The following RSPH6A variants were observed in gnomAD, a reference collection of about 807,000 sequenced individuals.
RSPH6A encodes radial spoke head 6 homolog A.
RSPH6A carries 49 observed loss-of-function variants against 66.1 expected under a neutral mutation model. That is an observed-to-expected ratio of 0.74 (90% CI 0.59 to 0.94). RSPH6A has a LOEUF of 0.94. Ranked by LOEUF, RSPH6A falls within the 40% of genes least tolerant of loss-of-function variation. The pLI is 0.00. For missense variants in RSPH6A, 977 were observed against 948.3 expected (o/e 1.03, Z -0.40); for synonymous variants, 419 against 402.4 (o/e 1.04, Z -0.49).
rs762331797 is a variant in RSPH6A, at chr19:45,815,089, G to A, written c.88C>T (p.Arg30Trp). ...GCTGCCAGGGCCTGAGCTTGGTCCC[G>A]ACTGTGCCGCCTCTGGGAGGCCTGA... The part of the protein sequence containing the change: ...TSQASQRRHS[R>W]DQAQALAADP... Residue 30 changes from arginine (R) to tryptophan (W), a missense_variant, in exon 1 of 6, where the codon CGG (arginine) becomes TGG (tryptophan). Coordinates refer to ENST00000221538, the MANE Select transcript of RSPH6A (RefSeq NM_030785.4). The A allele has an allele frequency of 2.5e-6, 4 of 1,613,236 alleles. No homozygotes were observed. Among genetic ancestry groups the A allele is most frequent in the East Asian group, 2.2e-5 (1 of 44,866 alleles).
intron 1 of RSPH6A, among the ~76,000 whole-genome samples, chr19:45,811,271 C>T (rs576574243): frequency 6.6e-4 from 101 of 152,164 alleles, no homozygotes; most frequent in African/African-American, 2.0e-3. Flanking sequence ...GGATTACAGG[C>T]GTGAGCCACC....
intron 1 of RSPH6A, among the ~76,000 whole-genome samples, chr19:45,811,989 C>T (rs1970636199): frequency 6.6e-6 from 1 of 151,708 alleles, no homozygotes; most frequent in Middle Eastern, 3.4e-3. Flanking sequence ...CTATGTTGGC[C>T]AGGCTGGTCT....
chr19:45,814,419 G>C, intron 1 of RSPH6A, 108 bp downstream of exon 1: 1 of 1,048,066 alleles, frequency 9.5e-7, no homozygotes, highest in East Asian at 2.7e-5. Flanking sequence ...AGAGTCACTG[G>C]TTTTCCATGA....
rs756866590 is a variant in RSPH6A at position 45,796,033 on chromosome 19, G to C, written c.1990C>G (p.Pro664Ala). The change falls in exon 6 of 6, where the codon CCC becomes GCC. Residue 664 changes from proline (P) to alanine (A), a missense_variant. Coordinates refer to ENST00000221538, the MANE Select transcript of RSPH6A (RefSeq NM_030785.4). ...PESFNPALPA[P>A]IQQEYPSGPE... ...CCACTGGGGTACTCTTGTTGAATGG[G>C]GGCTGGCAGGGCCGGGTTGAAGCTC... 1.2e-6 allele frequency: 2 copies of C among 1,613,630 alleles called. No homozygotes were observed. The highest frequency in any genetic ancestry group is 1.7e-5 in the Admixed American group (1 of 59,968).
chr19:45,812,154 C>T lies in RSPH6A; in HGVS notation c.651-1314G>A, dbSNP rs193239486. Among the ~76,000 whole-genome samples, 332 of 151,784 alleles carry T rather than the reference C, an allele frequency of 2.2e-3. 5 individuals are homozygous for T. The highest frequency in any genetic ancestry group is 7.3e-3 in the African/African-American group (301 of 41,440). ...TCACTCAGGCTGGAGTGCAGTGGCT[C>T]GGTCTTGGCTCACTGCAACCTCTGG... On this transcript the variant is annotated intron_variant, in intron 1 of 5. Transcript: ENST00000221538.
intron 5 of RSPH6A, among the ~76,000 whole-genome samples, chr19:45,798,331 C>T (rs1970430335): frequency 6.6e-6 from 1 of 151,398 alleles, no homozygotes; most frequent in Non-Finnish European, 1.5e-5. Context: ...TAAACTCCAG[C>T]CTAGGCAACA....
rs754472166 is a variant in RSPH6A, at chr19:45,814,868, G to A, written c.309C>T (p.Tyr103=). 1.2e-6 allele frequency: 2 copies of A among 1,613,966 alleles called. No homozygotes were observed. ...CGACCTGCATCCTGCTTTCATCAGAGTAAGGCTGAGGCTGGAACTCTGAGG... is the reference window on the plus strand; with the variant it reads ...CGACCTGCATCCTGCTTTCATCAGAATAAGGCTGAGGCTGGAACTCTGAGG... ...GFPSEFQPQP[Y]SDESRMQVAE... is the part of the protein sequence containing the mutation. Residue 103 remains tyrosine (Y), a synonymous_variant, in exon 1 of 6, where the codon TAC becomes TAT. Transcript: ENST00000221538.
At position 45,814,843 on chromosome 19, in the gene RSPH6A, C is replaced by T. The variant is rs377543353; in HGVS notation, c.334G>A (p.Ala112Thr). The T allele has an allele frequency of 1.2e-6, 2 of 1,613,928 alleles. No individual in the cohort carries two copies. The highest frequency in any genetic ancestry group is 2.7e-5 in the African/African-American group (2 of 74,910). The change falls in exon 1 of 6, where the codon GCC becomes ACC. Residue 112 changes from alanine (A) to threonine (T), a missense_variant. By Grantham distance (58) the Ala-to-Thr change is moderately conservative. Transcript: ENST00000221538. ...PYSDESRMQV[A>T]ELTTSLMLQR... ...AGCATTAGGCTGGTGGTGAGCTCGG[C>T]GACCTGCATCCTGCTTTCATCAGAG...
At chr19:45,807,686 T>G (rs1465838514) in intron 2 of RSPH6A, among the ~76,000 whole-genome samples, 1 of 152,102 alleles carries the variant, frequency 6.6e-6, no homozygotes, top group Non-Finnish European at 1.5e-5. Context: ...AATTTTTGTA[T>G]TTTTAGTAGA....
rs531604772 is a variant in RSPH6A, at chr19:45,802,922, C to T, written c.1654-658G>A. 2.6e-5 allele frequency among the ~76,000 whole-genome samples: 4 copies of T among 151,374 alleles called. No homozygotes were observed. The East Asian group carries it at 6.0e-4, about 23-fold the overall frequency. On this transcript the variant is annotated intron_variant, in intron 3 of 5. Transcript: ENST00000221538. ...TCCTGGGTTCACGCCATTCTCCTAC[C>T]TCAGCCTCCCAAGCAGTGGCTTACG...
At chr19:45,813,686 C>T (rs1176070663) in intron 1 of RSPH6A, among the ~76,000 whole-genome samples, 1 of 152,202 alleles carries the variant, frequency 6.6e-6, no homozygotes, top group East Asian at 1.9e-4. Flanking sequence ...CTCTTAGCCT[C>T]CCTTATTTTT....
chr19:45,797,177 C>T (rs1970417304), intron 5 of RSPH6A, among the ~76,000 whole-genome samples: 1 of 151,352 alleles, frequency 6.6e-6, no homozygotes, highest in African/African-American at 2.4e-5. Context: ...GAGATCGAGA[C>T]CAGCCTAGCT....
At chr19:45,796,155 CTTGACT>C in intron 5 of RSPH6A, 49 bp from the exon 6 acceptor site, 5 of 1,128,316 alleles carry the variant, frequency 4.4e-6, no homozygotes, top group Non-Finnish European at 6.2e-6. Flanking sequence ...AGGCCCCAGA[CTTGACT>C]TTTTTTTTTT....
In RSPH6A at chr19:45,814,793, G is replaced by C. The variant is rs1365608610; in HGVS notation, c.384C>G (p.Ser128Arg). ...LMLQRLQQGQ[S>R]SLFQQLDPTF... ...TGGGGTCCAGTTGCTGGAACAGGCT[G>C]CTTTGGCCCTGCTGGAGCCGCTGCA... The change falls in exon 1 of 6, where the codon AGC becomes AGG. Residue 128 changes from serine (S) to arginine (R), a missense_variant. Transcript: ENST00000221538. The C allele has an allele frequency of 1.2e-6, 2 of 1,613,940 alleles. No individual in the cohort carries two copies. Among genetic ancestry groups the C allele is most frequent in the South Asian group, 2.2e-5 (2 of 91,046 alleles).
In RSPH6A at chr19:45,814,513, T is replaced by C; in HGVS notation, c.650+14A>G. ...CTGGGTCCCCCACCCGCCCCACTCC[T>C]AGCCCCTGCTCACAGGCTGAGGTCG... On this transcript the variant is annotated intron_variant, in intron 1 of 5. Coordinates refer to ENST00000221538, the MANE Select transcript of RSPH6A (RefSeq NM_030785.4). 1 of 1,035,794 alleles carries C rather than the reference T, an allele frequency of 9.7e-7. No homozygotes were observed. Among genetic ancestry groups the C allele is most frequent in the Non-Finnish European group, 1.3e-6 (1 of 741,800 alleles). The allele number at this position is 1,035,794 out of a possible 1,614,324, so 64.2% of individuals were successfully genotyped here.
chr19:45,808,491 G>A (rs917583609), intron 2 of RSPH6A, among the ~76,000 whole-genome samples: 36 of 152,026 alleles, frequency 2.4e-4, no homozygotes, highest in African/African-American at 8.5e-4. Context: ...TACTCGGGAG[G>A]CTGAGGCAGG....
intron 3 of RSPH6A, among the ~76,000 whole-genome samples, chr19:45,803,866 G>T (rs1970504491): frequency 6.6e-6 from 1 of 151,410 alleles, no homozygotes; most frequent in Non-Finnish European, 1.5e-5. Flanking sequence ...GGCAGCGTGT[G>T]CCTGTAATCC....
intron 5 of RSPH6A, among the ~76,000 whole-genome samples, chr19:45,799,368 T>A (rs1202899475): frequency 6.6e-6 from 1 of 152,030 alleles, no homozygotes; most frequent in African/African-American, 2.4e-5. Context: ...TTGCCATTCT[T>A]GTTTGTTTTT....
chr19:45,804,197 A>G lies in RSPH6A; in HGVS notation c.1653+55T>C. On this transcript the variant is annotated intron_variant, in intron 3 of 5. Coordinates refer to ENST00000221538, the MANE Select transcript of RSPH6A (RefSeq NM_030785.4). The surrounding 1 kb of genome is among the most constrained non-coding windows in gnomAD (Gnocchi z 5.8). ...AGCTTGATGTCAGTATTGCAGGGTCATGCGTGAGCCCCCTGCTCCTGCCGT... is the reference window on the plus strand; with the variant it reads ...AGCTTGATGTCAGTATTGCAGGGTCGTGCGTGAGCCCCCTGCTCCTGCCGT... The G allele has an allele frequency of 7.0e-7, 1 of 1,419,334 alleles. No homozygotes were observed. Among genetic ancestry groups the G allele is most frequent in the Non-Finnish European group, 9.7e-7 (1 of 1,031,184 alleles). 87.9% of individuals were successfully genotyped at this position (1,419,334 alleles called of 1,614,324 possible).
Sources: allele counts gnomAD v4.1 joint callset (sites outside exome capture counted in the v4.1 genomes callset), GRCh38; gene constraint gnomAD v4.1.1; non-coding constraint Gnocchi (gnomAD v3.1); transcripts MANE v1.5; gene names NCBI Gene and HGNC (gene_info 2026-07-23, HGNC 2026-07-21).